UNC13C: variants seen among roughly 807,000 people sequenced by gnomAD.
UNC13C encodes the protein unc-13 homolog C.
Under a neutral mutation model 245.4 loss-of-function variants are expected in UNC13C, and 174 were observed. The ratio of observed to expected loss-of-function variants is 0.71; its 90% CI spans 0.63 to 0.80. UNC13C has a LOEUF of 0.80. UNC13C is among the 30% of genes least tolerant of loss of function. The pLI is 0.00. For synonymous variants in UNC13C, 992 were observed against 895.1 expected (o/e 1.11, Z -1.93); for missense variants, 2,829 against 2,602.9 (o/e 1.09, Z -1.89).
intron 17 of UNC13C, among the ~76,000 whole-genome samples, chr15:54,383,847 A>C (rs1044527759): frequency 2.0e-5 from 3 of 152,146 alleles, no homozygotes; most frequent in African/African-American, 7.2e-5. Context: ...TACAAAAATC[A>C]GTAGCATTTC....
intron 10 of UNC13C, among the ~76,000 whole-genome samples, chr15:54,281,934 C>G (rs1326582487): frequency 6.6e-6 from 1 of 152,110 alleles, no homozygotes; most frequent in African/African-American, 2.4e-5. Flanking sequence ...AAGTGTGCAT[C>G]TGGATTTGTT....
At chr15:54,267,907 G>A (rs897448979) in intron 10 of UNC13C, among the ~76,000 whole-genome samples, 21 of 151,714 alleles carry the variant, frequency 1.4e-4, no homozygotes, top group African/African-American at 4.8e-4. Flanking sequence ...TCCTGAAGTT[G>A]CCTCATAGCT....
At chr15:53,917,071 TTA>T in the UNC13C span, among the ~76,000 whole-genome samples, 1 of 152,246 alleles carries the variant, frequency 6.6e-6, no homozygotes, top group Non-Finnish European at 1.5e-5. Context: ...GCTTATTTAT[TTA>T]TGTTTATGAC....
chr15:54,446,468 G>A (rs975143756), intron 19 of UNC13C, among the ~76,000 whole-genome samples: 16 of 151,930 alleles, frequency 1.1e-4, no homozygotes, highest in African/African-American at 3.9e-4. Flanking sequence ...CTTTTATTTC[G>A]TTGAACATTG....
At chr15:54,393,567 A>G (rs1270218535) in intron 18 of UNC13C, among the ~76,000 whole-genome samples, 2 of 151,958 alleles carry the variant, frequency 1.3e-5, no homozygotes, top group Admixed American at 1.3e-4. Flanking sequence ...AATAATAAAG[A>G]TTTGGCAAAA....
chr15:54,331,570 A>T (rs1255068149), intron 14 of UNC13C, among the ~76,000 whole-genome samples: 1 of 152,116 alleles, frequency 6.6e-6, no homozygotes, highest in South Asian at 2.1e-4. Context: ...TGGTTTTGAC[A>T]AAAACAACAC....
intron 26 of UNC13C, among the ~76,000 whole-genome samples, chr15:54,540,011 T>C (rs1381469966): frequency 2.6e-5 from 4 of 152,160 alleles, no homozygotes; most frequent in Admixed American, 6.6e-5. Flanking sequence ...TTTAAAACTT[T>C]TGAAAGAAAT....
chr15:54,412,809 G>A (rs535848879), intron 18 of UNC13C, among the ~76,000 whole-genome samples: 11 of 152,126 alleles, frequency 7.2e-5, no homozygotes, highest in African/African-American at 2.4e-4. Context: ...ACAGAATTTA[G>A]GAACTCCAGC....
intron 4 of UNC13C, among the ~76,000 whole-genome samples, chr15:54,160,224 G>A (rs1193726073): frequency 6.6e-6 from 1 of 151,762 alleles, no homozygotes; most frequent in Non-Finnish European, 1.5e-5. Context: ...GTGTTAGGTA[G>A]ACTGTTAGTG....
At chr15:54,466,829 A>G (rs1412426210) in intron 19 of UNC13C, among the ~76,000 whole-genome samples, 1 of 151,916 alleles carries the variant, frequency 6.6e-6, no homozygotes, top group African/African-American at 2.4e-5. Context: ...AAAGAGAAAA[A>G]TGTAATAAAA....
At chr15:54,246,255 G>A (rs927363476) in intron 7 of UNC13C, among the ~76,000 whole-genome samples, 1 of 152,118 alleles carries the variant, frequency 6.6e-6, no homozygotes, top group Non-Finnish European at 1.5e-5. Context: ...TAGGGTGTGA[G>A]CATCCTCCCC....
chr15:54,034,469 CTG>C lies in UNC13C; in HGVS notation c.2983+18585_2983+18586del, dbSNP rs566630758. ...TCTATTTGAATTAGTGGTATTAACT[CTG>C]TTTTCTTCAGGCACCTAGGTTAATA... On this transcript the variant is annotated intron_variant, in intron 2 of 32. Coordinates refer to ENST00000260323, the MANE Select transcript of UNC13C (RefSeq NM_001080534.3). Among the ~76,000 whole-genome samples the C allele has an allele frequency of 1.2e-3, 188 of 152,244 alleles. 1 individual carries two copies. Among genetic ancestry groups the C allele is most frequent in the African/African-American group, 4.4e-3 (183 of 41,548 alleles).
chr15:54,097,445 A>T (rs1595850324), intron 2 of UNC13C, among the ~76,000 whole-genome samples: 2 of 152,098 alleles, frequency 1.3e-5, no homozygotes, highest in Non-Finnish European at 2.9e-5. Flanking sequence ...TTCTAAGGAG[A>T]TTATGCGGTA....
At chr15:54,083,001 C>T (rs959545470) in intron 2 of UNC13C, among the ~76,000 whole-genome samples, 1 of 151,976 alleles carries the variant, frequency 6.6e-6, no homozygotes, top group Non-Finnish European at 1.5e-5. Flanking sequence ...GCAGTAAGAC[C>T]CTCCGGAAGA....
the UNC13C span, among the ~76,000 whole-genome samples, chr15:53,847,267 A>G: frequency 1.3e-5 from 2 of 152,298 alleles, no homozygotes; most frequent in Middle Eastern, 3.4e-3. Context: ...ACCAATTTGT[A>G]TATCAAGAAC....
intron 2 of UNC13C, among the ~76,000 whole-genome samples, chr15:54,139,126 A>G (rs532978989): frequency 9.9e-5 from 15 of 151,172 alleles, no homozygotes; most frequent in Non-Finnish European, 1.9e-4. Flanking sequence ...TGCCCAGCTA[A>G]TTTTTGTATT....
At chr15:54,162,969 A>G (rs1415218725) in intron 4 of UNC13C, among the ~76,000 whole-genome samples, 2 of 152,132 alleles carry the variant, frequency 1.3e-5, no homozygotes, top group East Asian at 3.9e-4. Flanking sequence ...CTGTAGATAA[A>G]GTTGTGCCGC....
intron 29 of UNC13C, among the ~76,000 whole-genome samples, chr15:54,561,511 G>GA (rs904308326): frequency 6.6e-6 from 1 of 151,874 alleles, no homozygotes; most frequent in African/African-American, 2.4e-5. Context: ...ACATCAACAG[G>GA]AAAAAGGAAT....
At chr15:54,280,730 GTATACATA>G (rs2036967063) in intron 10 of UNC13C, among the ~76,000 whole-genome samples, 3 of 62,710 alleles carry the variant, frequency 4.8e-5, no homozygotes, top group African/African-American at 4.5e-4. Context: ...ATAAACATAT[GTATACATA>G]CATATATACA....
Sources: gnomAD v4.1 joint callset for allele counts (sites outside exome capture counted in the v4.1 genomes callset) on GRCh38, gnomAD v4.1.1 for gene constraint, MANE v1.5 for transcripts, NCBI Gene and HGNC (gene_info 2026-07-23, HGNC 2026-07-21) for gene names.